The following PCDH15 variants were observed in gnomAD, a reference collection of about 807,000 sequenced individuals.
PCDH15 encodes the protein protocadherin related 15.
PCDH15 carries 129 observed loss-of-function variants against 178.5 expected under a neutral mutation model. The ratio of observed to expected loss-of-function variants is 0.72; its 90% confidence interval spans 0.63 to 0.84. The LOEUF (loss-of-function observed/expected upper bound fraction) is 0.84. Among genes scored for constraint, PCDH15 ranks in the 40% least tolerant of loss-of-function variants. PCDH15 has a pLI of 0.00. For synonymous variants in PCDH15, 800 were observed against 732.0 expected (o/e 1.09, Z -1.50); for missense variants, 2,230 against 2,099.9 (o/e 1.06, Z -1.21).
intron 2 of PCDH15, among the ~76,000 whole-genome samples, chr10:54,553,807 G>A (rs1442555654): frequency 1.3e-5 from 2 of 151,580 alleles, no homozygotes; most frequent in Non-Finnish European, 2.9e-5. Context: ...TCGAGGCTGG[G>A]ATTAAAAAAA....
intron 2 of PCDH15, among the ~76,000 whole-genome samples, chr10:55,377,731 C>A (rs1384029218): frequency 6.6e-6 from 1 of 152,066 alleles, no homozygotes; most frequent in Non-Finnish European, 1.5e-5. Flanking sequence ...CGTATACTTT[C>A]TGAGTACCTA....
At chr10:55,222,030 C>A (rs1229117901) in intron 1 of PCDH15, among the ~76,000 whole-genome samples, 3 of 149,374 alleles carry the variant, frequency 2.0e-5, no homozygotes, top group African/African-American at 5.0e-5. Context: ...CCACACCCGG[C>A]TAATTTTTTT....
chr10:55,551,271 C>T (rs374074642), intron 2 of PCDH15, among the ~76,000 whole-genome samples: 1 of 151,952 alleles, frequency 6.6e-6, no homozygotes, highest in Non-Finnish European at 1.5e-5. Context: ...ATTCATAAAA[C>T]TGAATCACAC....
At chr10:55,410,344 A>T (rs1000440287) in intron 2 of PCDH15, among the ~76,000 whole-genome samples, 5 of 151,920 alleles carry the variant, frequency 3.3e-5, no homozygotes, top group Admixed American at 1.3e-4. Context: ...ATCTTCATTA[A>T]TTTTTTTTCC....
At chr10:54,728,465 G>C (rs1288063906) in intron 1 of PCDH15, among the ~76,000 whole-genome samples, 9 of 151,162 alleles carry the variant, frequency 6.0e-5, no homozygotes, top group African/African-American at 2.2e-4. Flanking sequence ...TCTATTGACT[G>C]ACCCACAGAG....
intron 2 of PCDH15, among the ~76,000 whole-genome samples, chr10:55,426,954 T>G (rs930916741): frequency 1.3e-5 from 2 of 152,056 alleles, no homozygotes; most frequent in African/African-American, 2.4e-5. Context: ...TGGCTGAGCT[T>G]GGGGTTTTTA....
chr10:55,034,672 A>T (rs2131970067), intron 2 of PCDH15, among the ~76,000 whole-genome samples: 1 of 152,322 alleles, frequency 6.6e-6, no homozygotes, highest in Non-Finnish European at 1.5e-5. Flanking sequence ...TAATAAGAAT[A>T]AATAAAATAT....
chr10:55,565,473 T>A (rs1244270288), intron 2 of PCDH15, among the ~76,000 whole-genome samples: 1 of 150,954 alleles, frequency 6.6e-6, no homozygotes, highest in African/African-American at 2.4e-5. Flanking sequence ...AAAAACAAAC[T>A]GAAGGCAAGA....
intron 13 of PCDH15, among the ~76,000 whole-genome samples, chr10:54,155,276 G>A (rs181515208): frequency 1.3e-5 from 2 of 152,174 alleles, no homozygotes; most frequent in East Asian, 3.9e-4. Flanking sequence ...ATTGAAGAAG[G>A]TACCCACCTG....
chr10:55,060,571 A>G (rs1841404844), intron 2 of PCDH15, among the ~76,000 whole-genome samples: 1 of 152,058 alleles, frequency 6.6e-6, no homozygotes, highest in Non-Finnish European at 1.5e-5. Context: ...TCTAAGAAAT[A>G]TATAGATAAT....
chr10:55,578,413 G>A (rs1372072107), intron 2 of PCDH15, among the ~76,000 whole-genome samples: 1 of 151,942 alleles, frequency 6.6e-6, no homozygotes, highest in Non-Finnish European at 1.5e-5. Context: ...TAGAGATGGG[G>A]TTTCACCATG....
At chr10:54,622,161 T>C (rs556252750) in intron 2 of PCDH15, among the ~76,000 whole-genome samples, 14 of 151,928 alleles carry the variant, frequency 9.2e-5, no homozygotes, top group Admixed American at 3.3e-4. Flanking sequence ...GTACCATCCC[T>C]GTCATAGGAA....
At chr10:54,460,475 G>C (rs2077097771) in intron 3 of PCDH15, among the ~76,000 whole-genome samples, 1 of 152,030 alleles carries the variant, frequency 6.6e-6, no homozygotes, top group Non-Finnish European at 1.5e-5. Context: ...TGGAAGGAAG[G>C]TAGAGTATAT....
At chr10:55,192,822 T>C (rs1311441642) in intron 1 of PCDH15, among the ~76,000 whole-genome samples, 1 of 151,350 alleles carries the variant, frequency 6.6e-6, no homozygotes, top group African/African-American at 2.4e-5. Context: ...CATACATATA[T>C]ATGAATACCT....
chr10:54,829,657 T>C (rs192375587), intron 3 of PCDH15, among the ~76,000 whole-genome samples: 1 of 152,072 alleles, frequency 6.6e-6, no homozygotes, highest in Non-Finnish European at 1.5e-5. Flanking sequence ...TTTCAAAATG[T>C]TGTCTGTGCA....
intron 2 of PCDH15, among the ~76,000 whole-genome samples, chr10:55,602,658 C>G (rs1843115550): frequency 6.6e-6 from 1 of 151,904 alleles, no homozygotes; most frequent in South Asian, 2.1e-4. Context: ...GGTACTCCAA[C>G]AGACCTGCAG....
intron 25 of PCDH15, among the ~76,000 whole-genome samples, chr10:53,928,812 A>G (rs1379592643): frequency 6.6e-6 from 1 of 152,006 alleles, no homozygotes; most frequent in Non-Finnish European, 1.5e-5. Flanking sequence ...TTGGCATTCA[A>G]TGAATGGCAT....
intron 2 of PCDH15, among the ~76,000 whole-genome samples, chr10:55,075,016 A>C (rs2132018220): frequency 1.3e-5 from 2 of 152,278 alleles, no homozygotes; most frequent in Non-Finnish European, 2.9e-5. Flanking sequence ...GTCAAAGATC[A>C]GATGACGTAG....
intron 2 of PCDH15, among the ~76,000 whole-genome samples, chr10:55,381,394 G>A (rs550993781): frequency 4.3e-4 from 65 of 152,212 alleles, no homozygotes; most frequent in African/African-American, 1.6e-3. Context: ...CAGCACCTTT[G>A]ATTTCCTCTC....
Sources: allele counts gnomAD v4.1 joint callset (sites outside exome capture counted in the v4.1 genomes callset), GRCh38; gene constraint gnomAD v4.1.1; transcripts MANE v1.5; gene names NCBI Gene and HGNC (gene_info 2026-07-23, HGNC 2026-07-21).